CLDN16: variants seen among roughly 807,000 people sequenced by gnomAD.
The protein encoded by CLDN16 is claudin 16, also known as claudin-16.
A neutral mutation model predicts 24.6 loss-of-function variants in CLDN16; 13 were observed. The ratio of observed to expected loss-of-function variants is 0.53; its 90% CI spans 0.34 to 0.84. The LOEUF (loss-of-function observed/expected upper bound fraction) is 0.84, where lower values mean the gene tolerates loss of function less well. CLDN16 is among the 40% of genes least tolerant of loss of function. CLDN16 has a pLI of 0.01. For synonymous variants in CLDN16, 116 were observed against 106.7 expected (o/e 1.09, Z -0.54); for missense variants, 298 against 292.7 (o/e 1.02, Z -0.13).
intron 3 of CLDN16, among the ~76,000 whole-genome samples, chr3:190,378,306 G>A (rs535268381): frequency 1.8e-4 from 27 of 152,074 alleles, no homozygotes; most frequent in Non-Finnish European, 2.8e-4. Flanking sequence ...ATCAGCAGAC[G>A]AGAGATAAGA....
At chr3:190,360,405 C>T (rs1560087322) in intron 1 of CLDN16, among the ~76,000 whole-genome samples, 1 of 151,744 alleles carries the variant, frequency 6.6e-6, no homozygotes, top group African/African-American at 2.4e-5. Context: ...AAGATTTATC[C>T]GGTGTGACAT....
At chr3:190,352,817 C>A (rs1421531883) in intron 1 of CLDN16, among the ~76,000 whole-genome samples, 2 of 151,508 alleles carry the variant, frequency 1.3e-5, no homozygotes, top group African/African-American at 2.4e-5. Flanking sequence ...ATAAAAAAAA[C>A]CTCTTTTCTT....
chr3:190,332,774 A>T (rs79527055), intron 1 of CLDN16, among the ~76,000 whole-genome samples: 1 of 147,870 alleles, frequency 6.8e-6, no homozygotes, highest in East Asian at 2.0e-4. Flanking sequence ...GCAGAGCATG[A>T]TTTTTTTTTT....
rs200023201 is a variant in CLDN16, at chr3:190,409,992, C to T, written c.664C>T (p.Arg222Cys). 1.3e-5 allele frequency: 21 copies of T among 1,614,068 alleles called. No individual in the cohort carries two copies. The highest frequency in any genetic ancestry group is 2.7e-5 in the African/African-American group (2 of 75,024). The change falls in exon 5 of 5, where the codon CGC (arginine) becomes TGC (cysteine). Residue 222 changes from arginine (R) to cysteine (C), a missense_variant. Coordinates refer to ENST00000264734, the MANE Select transcript of CLDN16 (RefSeq NM_006580.4). ...VSMAKSYSAP[R>C]TETAKMYAVD... ...CATGGCCAAGTCATACTCAGCCCCT[C>T]GCACAGAGACGGCCAAAATGTATGC...
intron 4 of CLDN16, 77 bp downstream of exon 4, chr3:190,408,582 AGG>A: frequency 2.2e-6 from 3 of 1,365,444 alleles, no homozygotes; most frequent in Non-Finnish European, 2.1e-6. Flanking sequence ...AAATTTCAAA[AGG>A]AAAAAAATGT....
At chr3:190,332,866 G>A (rs1717213814) in intron 1 of CLDN16, among the ~76,000 whole-genome samples, 1 of 151,820 alleles carries the variant, frequency 6.6e-6, no homozygotes, top group African/African-American at 2.4e-5. Flanking sequence ...CCCAGAAACT[G>A]ATGGCATACA....
chr3:190,291,606 A>T, the CLDN16 span, among the ~76,000 whole-genome samples: 1,437 of 152,292 alleles, frequency 9.4e-3, 23 homozygotes, highest in African/African-American at 0.033. Context: ...CACAAAGCAA[A>T]ACCATATTAT....
chr3:190,340,766 T>A (rs926214180), intron 1 of CLDN16, among the ~76,000 whole-genome samples: 1 of 152,196 alleles, frequency 6.6e-6, no homozygotes, highest in African/African-American at 2.4e-5. Context: ...AAGCCCCTTC[T>A]GTCTATGAGC....
chr3:190,335,376 A>G (rs956588184), intron 1 of CLDN16, among the ~76,000 whole-genome samples: 6 of 151,964 alleles, frequency 3.9e-5, no homozygotes, highest in Non-Finnish European at 5.9e-5. Flanking sequence ...TCACATCTTC[A>G]TCTAGCTTCT....
intron 1 of CLDN16, among the ~76,000 whole-genome samples, chr3:190,369,980 C>A (rs569947290): frequency 6.6e-6 from 1 of 151,832 alleles, no homozygotes; most frequent in South Asian, 2.1e-4. Flanking sequence ...TTTTGTATTC[C>A]GAGAAAGGCT....
intron 1 of CLDN16, among the ~76,000 whole-genome samples, chr3:190,396,753 T>C (rs1718830089): frequency 6.6e-6 from 1 of 152,058 alleles, no homozygotes; most frequent in South Asian, 2.1e-4. Flanking sequence ...GATTTCAGGA[T>C]AGAAAGTGAT....
intron 1 of CLDN16, among the ~76,000 whole-genome samples, chr3:190,338,408 G>C (rs535995609): frequency 2.0e-5 from 3 of 152,320 alleles, no homozygotes; most frequent in Admixed American, 2.0e-4. Context: ...AAGGGCTGCT[G>C]TTACTTAATA....
chr3:190,313,464 CTT>C, the CLDN16 span, among the ~76,000 whole-genome samples: 2 of 152,188 alleles, frequency 1.3e-5, no homozygotes, highest in South Asian at 4.1e-4. Context: ...TACAGTATAT[CTT>C]TGATATTAGT....
intron 1 of CLDN16, among the ~76,000 whole-genome samples, chr3:190,397,322 T>C (rs1451713609): frequency 6.9e-6 from 1 of 144,926 alleles, no homozygotes. Flanking sequence ...ATATATAAGT[T>C]GCATGTTAGA....
chr3:190,396,176 T>C (rs752951241), intron 1 of CLDN16, among the ~76,000 whole-genome samples: 1 of 152,186 alleles, frequency 6.6e-6, no homozygotes, highest in Non-Finnish European at 1.5e-5. Flanking sequence ...AACTAATTTA[T>C]GTCACTGTAA....
upstream of CLDN16, chr3:190,387,760 C>T: frequency 3.2e-6 from 1 of 312,444 alleles, no homozygotes. Context: ...TGCAGACTCC[C>T]TTGAGCGAGC....
At chr3:190,364,334 G>A (rs1717973026) in intron 1 of CLDN16, among the ~76,000 whole-genome samples, 1 of 151,870 alleles carries the variant, frequency 6.6e-6, no homozygotes, top group African/African-American at 2.4e-5. Flanking sequence ...CGTTCATGTA[G>A]CTCTTGTCCT....
intron 3 of CLDN16, among the ~76,000 whole-genome samples, chr3:190,381,577 T>A (rs1461605227): frequency 6.6e-6 from 1 of 152,082 alleles, no homozygotes; most frequent in Non-Finnish European, 1.5e-5. Flanking sequence ...GATAATATTA[T>A]TTCTATCCCT....
chr3:190,358,200 T>G (rs910603436), intron 1 of CLDN16, among the ~76,000 whole-genome samples: 1 of 151,770 alleles, frequency 6.6e-6, no homozygotes, highest in African/African-American at 2.4e-5. Context: ...GGAGAAATGC[T>G]TTTTTTTCTT....
Sources: allele counts gnomAD v4.1 joint callset (sites outside exome capture counted in the v4.1 genomes callset), GRCh38; gene constraint gnomAD v4.1.1; transcripts MANE v1.5; gene names NCBI Gene and HGNC (gene_info 2026-07-23, HGNC 2026-07-21).